Variants in ACBD3 observed in about 807,000 individuals in gnomAD.
The protein encoded by ACBD3 is Golgi resident protein GCP60.
In ACBD3, 30 loss-of-function variants were observed where a neutral mutation model predicts 66.9. That is an observed-to-expected ratio of 0.45 (90% confidence interval 0.34 to 0.61). The LOEUF is 0.61. ACBD3 is among the 20% of genes least tolerant of loss of function. The probability of loss-of-function intolerance (pLI) is 0.02; values close to 1 mark genes in which losing one functional copy is unlikely to be tolerated. For missense variants in ACBD3, 544 were observed against 664.5 expected (o/e 0.82, Z 1.99); for synonymous variants, 278 against 259.8 (o/e 1.07, Z -0.68).
At chr1:226,154,537 T>C in intron 6 of ACBD3, 110 bp downstream of exon 6, 1 of 1,299,418 alleles carries the variant, frequency 7.7e-7, no homozygotes, top group South Asian at 1.5e-5. Context: ...TGTTCAACTC[T>C]CACAAATATG....
intron 3 of ACBD3, among the ~76,000 whole-genome samples, chr1:226,162,646 G>T (rs1659792608): frequency 6.6e-6 from 1 of 152,058 alleles, no homozygotes; most frequent in South Asian, 2.1e-4. Context: ...TGAAAGGGAA[G>T]ATTTCTAAGG....
chr1:226,161,459 G>C lies in ACBD3; in HGVS notation c.728+72C>G, dbSNP rs982436612. The stretch of plus-strand genomic sequence containing the variant: ...AGGCGTGAACCACCACACCTGGCCC[G>C]CTCATTTCTTATTTTTATTCTATTT... On this transcript the variant is annotated intron_variant, in intron 4 of 7. Coordinates refer to ENST00000366812, the MANE Select transcript of ACBD3 (RefSeq NM_022735.4). 46 of 1,594,032 alleles carry C rather than the reference G, an allele frequency of 2.9e-5. No homozygotes were observed. The Admixed American group carries it at 8.0e-4, about 28-fold the overall frequency.
intron 1 of ACBD3, among the ~76,000 whole-genome samples, chr1:226,177,423 C>T (rs1424997028): frequency 6.6e-6 from 1 of 151,260 alleles, no homozygotes; most frequent in South Asian, 2.1e-4. Flanking sequence ...TCTCCATCTC[C>T]TGAACTCGTA....
intron 1 of ACBD3, among the ~76,000 whole-genome samples, chr1:226,184,190 C>T (rs1656240182): frequency 6.6e-6 from 1 of 152,088 alleles, no homozygotes; most frequent in Admixed American, 6.6e-5. Context: ...GAGACTCTAT[C>T]TCAAAAACAA....
At chr1:226,167,456 T>C (rs1397943889) in intron 1 of ACBD3, among the ~76,000 whole-genome samples, 1 of 152,230 alleles carries the variant, frequency 6.6e-6, no homozygotes, top group East Asian at 1.9e-4. Flanking sequence ...TTCCTTCACC[T>C]GATTGGCTCT....
intron 5 of ACBD3, among the ~76,000 whole-genome samples, chr1:226,155,864 G>C (rs1014760700): frequency 1.3e-5 from 2 of 152,176 alleles, no homozygotes; most frequent in African/African-American, 4.8e-5. Context: ...AGTTATGATT[G>C]AAATGTGTAT....
At chr1:226,170,817 T>TC (rs1255796396) in intron 1 of ACBD3, among the ~76,000 whole-genome samples, 1 of 152,212 alleles carries the variant, frequency 6.6e-6, no homozygotes, top group Admixed American at 6.5e-5. Context: ...TCTCACTCTG[T>TC]CACCCAGGCT....
intron 3 of ACBD3, among the ~76,000 whole-genome samples, chr1:226,164,586 A>G (rs1659836392): frequency 6.6e-6 from 1 of 152,218 alleles, no homozygotes; most frequent in Non-Finnish European, 1.5e-5. Flanking sequence ...AGGCACGGCC[A>G]GTAGGAAGCA....
chr1:226,154,695 C>G lies in ACBD3; in HGVS notation c.1042G>C (p.Glu348Gln). 6.2e-7 allele frequency: 1 copy of G among 1,613,538 alleles called. No individual in the cohort carries two copies. The highest frequency in any genetic ancestry group is 1.3e-5 in the African/African-American group (1 of 75,010). Residue 348 changes from glutamate to glutamine, a missense_variant, in exon 6 of 8, where the codon GAA (glutamate) becomes CAA (glutamine). Physicochemically the swap from Glu to Gln is conservative, Grantham distance 29 (BLOSUM62 2). Coordinates refer to ENST00000366812, the MANE Select transcript of ACBD3 (RefSeq NM_022735.4). ...AKTHTDSSEK[E>Q]LEPEAAEEAL... ...TCTTCTGCAGCTTCTGGTTCCAGTT[C>G]TTTTTCGGAGCTGTCAGTGTGTGTT...
rs554463766 is a variant in ACBD3 at position 226,173,793 on chromosome 1, C to T, written c.287-7793G>A. On this transcript the variant is annotated intron_variant, in intron 1 of 7. Coordinates refer to ENST00000366812, the MANE Select transcript of ACBD3 (RefSeq NM_022735.4). ...TTTTTTTTTTTGAGACAGAGTCTCACTCTGTTGCCCAGGCTGGAGTGCAGT... is the reference window on the plus strand; with the variant it reads ...TTTTTTTTTTTGAGACAGAGTCTCATTCTGTTGCCCAGGCTGGAGTGCAGT... Among the ~76,000 whole-genome samples the T allele has an allele frequency of 4.1e-5, 5 of 122,080 alleles. No homozygotes were observed. In the East Asian group the frequency reaches 1.4e-3, roughly 33 times the overall value. 80.1% of individuals were successfully genotyped at this position (122,080 alleles called of 152,430 possible). A position where few individuals can be genotyped will look rare whatever the true frequency, so the allele number is the denominator to read the frequency against.
At chr1:226,164,377 T>A (rs1659830215) in intron 3 of ACBD3, among the ~76,000 whole-genome samples, 1 of 152,030 alleles carries the variant, frequency 6.6e-6, no homozygotes, top group Admixed American at 6.6e-5. Context: ...AACATGAATG[T>A]CTATATAAGG....
At chr1:226,170,936 T>C (rs767479634) in intron 1 of ACBD3, among the ~76,000 whole-genome samples, 3 of 151,592 alleles carry the variant, frequency 2.0e-5, no homozygotes, top group Non-Finnish European at 4.4e-5. Flanking sequence ...AGTGCCACTA[T>C]GCCCAGTTAA....
chr1:226,154,577 G>T, intron 6 of ACBD3, 70 bp downstream of exon 6: 1 of 1,495,190 alleles, frequency 6.7e-7, no homozygotes, highest in South Asian at 1.3e-5. Flanking sequence ...ATTATAACCT[G>T]ACTTCATGAC....
intron 5 of ACBD3, among the ~76,000 whole-genome samples, chr1:226,158,531 G>A (rs1440000380): frequency 6.6e-6 from 1 of 152,196 alleles, no homozygotes; most frequent in East Asian, 1.9e-4. Context: ...CTGAAAGAAA[G>A]AGCAGAACAA....
At position 226,149,529 on chromosome 1, in the gene ACBD3, C is replaced by CCTTTTTTTT. The variant is rs1659522993; in HGVS notation, c.1376-2709_1376-2708insAAAAAAAAG. ...GGTGTCAGCCACTGCGCCCAGCCAT[C>CCTTTTTTTT]TTTTTTTTTTTTTTTTTTTTTTTTT... On this transcript the variant is annotated intron_variant, in intron 7 of 7. Transcript: ENST00000366812. 6.8e-5 allele frequency among the ~76,000 whole-genome samples: 2 copies of CCTTTTTTTT among 29,596 alleles called. 1 individual carries two copies. Among genetic ancestry groups the CCTTTTTTTT allele is most frequent in the South Asian group, 3.9e-3 (2 of 516 alleles). The allele number at this position is 29,596 out of a possible 152,430, so 19.4% of individuals were successfully genotyped here.
chr1:226,169,265 C>T (rs1357015741), intron 1 of ACBD3, among the ~76,000 whole-genome samples: 5 of 150,126 alleles, frequency 3.3e-5, no homozygotes, highest in African/African-American at 7.3e-5. Flanking sequence ...TTTTTTTTCT[C>T]GAGACAGAGT....
intron 5 of ACBD3, chr1:226,155,135 A>T (rs907210128): frequency 1.6e-5 from 3 of 190,282 alleles, no homozygotes; most frequent in Non-Finnish European, 3.2e-5. Context: ...AATGAAAGTA[A>T]GGCCAGCCAA....
At chr1:226,162,855 G>A (rs1003808679) in intron 3 of ACBD3, among the ~76,000 whole-genome samples, 23 of 150,724 alleles carry the variant, frequency 1.5e-4, no homozygotes, top group Non-Finnish European at 2.5e-4. Context: ...GGAGTGCAGT[G>A]GCACATTCTT....
chr1:226,177,439 G>A (rs959952753), intron 1 of ACBD3, among the ~76,000 whole-genome samples: 2 of 149,768 alleles, frequency 1.3e-5, no homozygotes, highest in East Asian at 2.0e-4. Context: ...TCGTAGATCC[G>A]CCTGCCTCAG....
Sources: allele counts gnomAD v4.1 joint callset (sites outside exome capture counted in the v4.1 genomes callset), GRCh38; gene constraint gnomAD v4.1.1; transcripts MANE v1.5; gene names NCBI Gene and HGNC (gene_info 2026-07-23, HGNC 2026-07-21).